HEXD: variants seen among roughly 807,000 people sequenced by gnomAD.
HEXD encodes N-acetyl-beta-galactosaminidase.
Under a neutral mutation model 54.2 loss-of-function variants are expected in HEXD, and 47 were observed. The observed-to-expected ratio is 0.87, with a 90% CI of 0.69 to 1.11. The LOEUF is 1.11. HEXD is among the 50% of genes least tolerant of loss of function. The pLI is 0.00. For missense variants in HEXD, 576 were observed against 649.2 expected (o/e 0.89, Z 1.23); for synonymous variants, 293 against 287.6 (o/e 1.02, Z -0.19).
chr17:82,438,378 G>T (rs1190699484), intron 8 of HEXD, among the ~76,000 whole-genome samples: 1 of 152,188 alleles, frequency 6.6e-6, no homozygotes, highest in Non-Finnish European at 1.5e-5. Context: ...GTCGGCTGTT[G>T]TAGGAGTGGC....
At position 82,418,391 on chromosome 17, in the gene HEXD, C is replaced by G. The variant is rs761598896; in HGVS notation, c.-401C>G. ...CCCTGTCCGCCGCCGCAGCGCGCGC[C>G]CTTCCCCTCCTCACCGCTACCTGCT... is the stretch of plus-strand genomic sequence containing the variant. On this transcript the variant is annotated 5_prime_UTR_variant, in exon 1 of 13. Transcript: ENST00000327949. 2.7e-6 allele frequency: 4 copies of G among 1,467,978 alleles called. No individual in the cohort carries two copies. The African/African-American group carries it at 5.9e-5, about 22-fold the overall frequency. The allele number at this position is 1,467,978 out of a possible 1,614,324, so 90.9% of individuals were successfully genotyped here. A position where few individuals can be genotyped will look rare whatever the true frequency, so the allele number is the denominator to read the frequency against.
chr17:82,422,332 CAGAAAT>C (rs1415729110), intron 2 of HEXD, among the ~76,000 whole-genome samples: 2 of 151,636 alleles, frequency 1.3e-5, no homozygotes, highest in Non-Finnish European at 2.9e-5. Flanking sequence ...CAGCATAAAT[CAGAAAT>C]AGAAAAGCCC....
In HEXD at chr17:82,441,250, C is replaced by T; in HGVS notation, c.1147C>T (p.Leu383=). The T allele has an allele frequency of 6.2e-7, 1 of 1,602,100 alleles. No homozygotes were observed. The highest frequency in any genetic ancestry group is 8.5e-7 in the Non-Finnish European group (1 of 1,174,226). ...CCATCTGCGCAGCTCTGTGGATGCGCTGCTGGAGGGCAACAGGTGAGCGTG... is the reference window on the plus strand; with the variant it reads ...CCATCTGCGCAGCTCTGTGGATGCGTTGCTGGAGGGCAACAGGTGAGCGTG... ...SLHLRSSVDA[L]LEGNRYVTGW... Residue 383 remains leucine (L), a synonymous_variant, in exon 11 of 13, where the codon CTG becomes TTG. Transcript: ENST00000327949.
chr17:82,425,307 A>G (rs970769767), intron 3 of HEXD, among the ~76,000 whole-genome samples: 2 of 146,600 alleles, frequency 1.4e-5, no homozygotes, highest in Non-Finnish European at 3.0e-5. Flanking sequence ...ATAAGGTTAG[A>G]GAAGGCCAGA....
chr17:82,438,237 C>CAAAAAAAAAAAA (rs58464958), intron 8 of HEXD, among the ~76,000 whole-genome samples: 1 of 139,178 alleles, frequency 7.2e-6, no homozygotes, highest in Non-Finnish European at 1.6e-5. Flanking sequence ...AACTCTGTCT[C>CAAAAAAAAAAAA]AAAAAAAAAA....
chr17:82,424,470 C>T lies in HEXD; in HGVS notation c.161C>T (p.Pro54Leu), dbSNP rs780147959. ...EYEDMFPYEGPLRLLRAKYAY... is the reference protein window; with the variant it reads ...EYEDMFPYEGLLRLLRAKYAY... ...GAAGACATGTTTCCCTACGAGGGCCCTCTGAGGCTGCTGAGGGCCAAGTAC... is the reference window on the plus strand; with the variant it reads ...GAAGACATGTTTCCCTACGAGGGCCTTCTGAGGCTGCTGAGGGCCAAGTAC... Residue 54 changes from proline (P) to leucine (L), a missense_variant, in exon 3 of 13, where the codon CCT (proline) becomes CTT (leucine). Pro to Leu is a moderately conservative substitution (Grantham distance 98, BLOSUM62 -3). Coordinates refer to ENST00000327949, the MANE Select transcript of HEXD (RefSeq NM_001330542.2). 3 of 1,613,992 alleles carry T rather than the reference C, an allele frequency of 1.9e-6. No individual in the cohort carries two copies. Among genetic ancestry groups the T allele is most frequent in the Middle Eastern group, 1.6e-4 (1 of 6,062 alleles).
Sources: allele counts gnomAD v4.1 joint callset (sites outside exome capture counted in the v4.1 genomes callset), GRCh38; gene constraint gnomAD v4.1.1; transcripts MANE v1.5; gene names NCBI Gene and HGNC (gene_info 2026-07-23, HGNC 2026-07-21).